Variants in MYRIP observed in about 807,000 individuals in gnomAD.
MYRIP encodes the protein rab effector MyRIP.
Under a neutral mutation model 98.0 loss-of-function variants are expected in MYRIP, and 49 were observed. That is an observed-to-expected ratio of 0.50 (90% CI 0.40 to 0.63). The LOEUF is 0.63. Ranked by LOEUF, MYRIP falls within the 30% of genes least tolerant of loss-of-function variation. The pLI is 0.00. For synonymous variants in MYRIP, 404 were observed against 409.5 expected, an observed-to-expected ratio of 0.99 and a Z score of 0.16; for missense variants, 1,004 against 1,058.2, an observed-to-expected ratio of 0.95 and a Z score of 0.71.
chr3:40,049,632 C>CA lies in MYRIP; in HGVS notation c.332+5372dup, dbSNP rs780122549. On this transcript the variant is annotated intron_variant, in intron 3 of 16. Coordinates refer to ENST00000302541, the MANE Select transcript of MYRIP (RefSeq NM_015460.4). ...GGCCCTATAATGGCCTCTAAGTGTT[C>CA]AAAAAAAAAAAGGGAAAAGTTACAC... 9.4e-3 allele frequency among the ~76,000 whole-genome samples: 1,297 copies of CA among 137,662 alleles called. 9 individuals are homozygous for CA. The highest frequency in any genetic ancestry group is 0.015 in the Admixed American group (201 of 13,744). The allele number at this position is 137,662 out of a possible 152,430, so 90.3% of individuals were successfully genotyped here. A position where few individuals can be genotyped will look rare whatever the true frequency, so the allele number is the denominator to read the frequency against.
chr3:40,204,152 A>T lies in MYRIP; in HGVS notation c.1666-5702A>T, dbSNP rs1345961599. ...TTATATAATATATTATATAATATAT[A>T]AATATATAATATAATATTTATATAT... On this transcript the variant is annotated intron_variant, in intron 10 of 16. Transcript: ENST00000302541. 7.2e-4 allele frequency among the ~76,000 whole-genome samples: 10 copies of T among 13,982 alleles called. 1 individual carries two copies. Among genetic ancestry groups the T allele is most frequent in the Non-Finnish European group, 1.4e-3 (8 of 5,602 alleles). 9.2% of individuals were successfully genotyped at this position (13,982 alleles called of 152,430 possible).
At chr3:39,901,292 C>T (rs1321853334) in intron 2 of MYRIP, among the ~76,000 whole-genome samples, 1 of 152,148 alleles carries the variant, frequency 6.6e-6, no homozygotes, top group Non-Finnish European at 1.5e-5. Context: ...GAGAATGAGT[C>T]TCATGCATGT....
intron 2 of MYRIP, among the ~76,000 whole-genome samples, chr3:39,901,386 T>C (rs1052142525): frequency 2.6e-5 from 4 of 152,188 alleles, no homozygotes; most frequent in African/African-American, 2.4e-5. Context: ...ACCACCAGGC[T>C]GGGATGGGAT....
chr3:39,918,372 C>G (rs193213360), intron 2 of MYRIP, among the ~76,000 whole-genome samples: 5 of 152,116 alleles, frequency 3.3e-5, no homozygotes, highest in South Asian at 2.1e-4. Flanking sequence ...GCCAGAGGAC[C>G]CTCTTCCCTG....
chr3:40,185,854 C>T (rs1257032368), intron 9 of MYRIP, among the ~76,000 whole-genome samples: 1 of 152,062 alleles, frequency 6.6e-6, no homozygotes, highest in African/African-American at 2.4e-5. Context: ...CAGCAGGGCT[C>T]ATTGAGAGCT....
In MYRIP at chr3:40,029,404, C is replaced by T. The variant is rs554776973; in HGVS notation, c.111-14646C>T. Among the ~76,000 whole-genome samples, 98 of 152,244 alleles carry T rather than the reference C, an allele frequency of 6.4e-4. 1 individual carries two copies. Among genetic ancestry groups the T allele is most frequent in the African/African-American group, 2.2e-3 (90 of 41,546 alleles). On this transcript the variant is annotated intron_variant, in intron 2 of 16. Transcript: ENST00000302541. ...CAATAATCAGGCAACAAATAAGTAC[C>T]GGGCACTTCTATGCAGAGCAGTGAG...
intron 1 of MYRIP, among the ~76,000 whole-genome samples, chr3:39,825,672 A>G (rs182932048): frequency 2.0e-3 from 305 of 152,262 alleles, no homozygotes; most frequent in Middle Eastern, 0.014. Context: ...TGGTTTTGCT[A>G]TCAGGGCTAT....
At chr3:40,225,205 G>C (rs1952454516) in intron 11 of MYRIP, among the ~76,000 whole-genome samples, 2 of 152,112 alleles carry the variant, frequency 1.3e-5, no homozygotes, top group Admixed American at 1.3e-4. Context: ...GATTCCACTT[G>C]GAACAGGTTT....
intron 9 of MYRIP, among the ~76,000 whole-genome samples, chr3:40,189,200 C>T (rs559176483): frequency 6.6e-6 from 1 of 152,334 alleles, no homozygotes; most frequent in East Asian, 1.9e-4. Context: ...TAACTTCGCT[C>T]ATCTTCATTT....
At chr3:40,108,238 G>A (rs1467956228) in intron 3 of MYRIP, among the ~76,000 whole-genome samples, 1 of 137,546 alleles carries the variant, frequency 7.3e-6, no homozygotes, top group African/African-American at 2.6e-5. Context: ...GGCACTCACT[G>A]AAGTGCAGGA....
chr3:40,071,375 G>A (rs536105555), intron 3 of MYRIP, among the ~76,000 whole-genome samples: 1 of 152,300 alleles, frequency 6.6e-6, no homozygotes, highest in African/African-American at 2.4e-5. Flanking sequence ...GAAAATGGGA[G>A]ATGAGGAAAT....
intron 3 of MYRIP, among the ~76,000 whole-genome samples, chr3:40,140,709 G>A (rs1949874086): frequency 6.6e-6 from 1 of 152,030 alleles, no homozygotes; most frequent in Non-Finnish European, 1.5e-5. Flanking sequence ...TTTCTCTAAT[G>A]ATTAGTAATT....
chr3:40,009,100 C>T (rs1271618839), intron 2 of MYRIP, among the ~76,000 whole-genome samples: 1 of 152,176 alleles, frequency 6.6e-6, no homozygotes, highest in Non-Finnish European at 1.5e-5. Context: ...GTGAGACTTC[C>T]AGCAAGGTTG....
intron 11 of MYRIP, among the ~76,000 whole-genome samples, chr3:40,220,073 C>G (rs1432456820): frequency 5.3e-5 from 8 of 151,626 alleles, no homozygotes; most frequent in Admixed American, 3.9e-4. Context: ...ATTTGCATTT[C>G]TCTGATGGCC....
chr3:40,167,219 G>T lies in MYRIP; in HGVS notation c.709G>T (p.Ala237Ser). 1 of 1,614,194 alleles carries T rather than the reference G, an allele frequency of 6.2e-7. No individual in the cohort carries two copies. The highest frequency in any genetic ancestry group is 8.5e-7 in the Non-Finnish European group (1 of 1,180,034). Residue 237 changes from alanine (A) to serine (S), a missense_variant, in exon 7 of 17, where the codon GCC becomes TCC. Physicochemically the swap from Ala to Ser is moderately conservative, Grantham distance 99. Around this residue, in one of 3 missense-constraint regions of MYRIP, gnomAD observed 880 missense variants for 907.7 expected, o/e 0.97. Transcript: ENST00000302541. ...DHKEELTEEL[A>S]TTILQKIIRK... ...CAAGGAGGAGCTAACTGAGGAACTG[G>T]CCACGACAATCCTGCAGAAGGTAGG... is the stretch of plus-strand genomic sequence containing the variant.
At chr3:39,844,746 G>C (rs1941908099) in intron 1 of MYRIP, among the ~76,000 whole-genome samples, 2 of 152,184 alleles carry the variant, frequency 1.3e-5, no homozygotes, top group Non-Finnish European at 2.9e-5. Context: ...TCTGTAGAAG[G>C]GGGTGTGGCT....
intron 3 of MYRIP, among the ~76,000 whole-genome samples, chr3:40,094,700 G>T (rs940133718): frequency 6.6e-6 from 1 of 152,188 alleles, no homozygotes; most frequent in African/African-American, 2.4e-5. Context: ...ACCAGTGACA[G>T]AAAACTCAAC....
intron 13 of MYRIP, among the ~76,000 whole-genome samples, chr3:40,248,680 C>T (rs1250145292): frequency 6.6e-6 from 1 of 152,160 alleles, no homozygotes; most frequent in Non-Finnish European, 1.5e-5. Flanking sequence ...GAGCAAGGCC[C>T]TCCATCAAAA....
At chr3:39,999,922 A>G (rs994104198) in intron 2 of MYRIP, among the ~76,000 whole-genome samples, 21 of 151,450 alleles carry the variant, frequency 1.4e-4, no homozygotes, top group Non-Finnish European at 2.7e-4. Context: ...AAACTATCGC[A>G]AGGACAAAAA....
Sources: allele counts gnomAD v4.1 joint callset (sites outside exome capture counted in the v4.1 genomes callset), GRCh38; gene constraint gnomAD v4.1.1; regional missense constraint gnomAD v4.1.1; transcripts MANE v1.5; gene names NCBI Gene and HGNC (gene_info 2026-07-23, HGNC 2026-07-21).